PHLPP2: variants seen among roughly 807,000 people sequenced by gnomAD.
PHLPP2 encodes PH domain leucine-rich repeat-containing protein phosphatase 2.
Under a neutral mutation model 124.9 loss-of-function variants are expected in PHLPP2, and 66 were observed. The ratio of observed to expected loss-of-function variants is 0.53; its 90% CI spans 0.43 to 0.65. The LOEUF (loss-of-function observed/expected upper bound fraction) is 0.65, where lower values mean the gene tolerates loss of function less well. Ranked by LOEUF, PHLPP2 falls within the 30% of genes least tolerant of loss-of-function variation. The probability of loss-of-function intolerance (pLI) is 0.00; values close to 1 mark genes in which losing one functional copy is unlikely to be tolerated. For synonymous variants in PHLPP2, 681 were observed against 624.7 expected, an observed-to-expected ratio of 1.09 and a Z score of -1.34; for missense variants, 1,685 against 1,600.4, an observed-to-expected ratio of 1.05 and a Z score of -0.90.
chr16:71,688,905 T>C (rs943810951), intron 4 of PHLPP2, among the ~76,000 whole-genome samples: 1 of 152,188 alleles, frequency 6.6e-6, no homozygotes, highest in Non-Finnish European at 1.5e-5. Context: ...TCAAAGGCCA[T>C]GTAACTGGAT....
At chr16:71,699,103 A>G (rs1290903345) in intron 3 of PHLPP2, among the ~76,000 whole-genome samples, 1 of 152,214 alleles carries the variant, frequency 6.6e-6, no homozygotes, top group Admixed American at 6.5e-5. Context: ...GTCTGGTTTC[A>G]GGAACTGGGT....
chr16:71,714,453 C>CAA, intron 2 of PHLPP2, 59 bp downstream of exon 2: 4 of 1,492,698 alleles, frequency 2.7e-6, no homozygotes, highest in Non-Finnish European at 3.6e-6. Context: ...CAGTTCTAAG[C>CAA]AGAAACACAT....
intron 8 of PHLPP2, chr16:71,677,069 TAAG>T (rs1297090115): frequency 1.2e-4 from 23 of 198,458 alleles, no homozygotes; most frequent in Non-Finnish European, 2.0e-4. Flanking sequence ...CTAAACAACT[TAAG>T]AATTTCACTA....
chr16:71,658,497 G>A (rs1056211087), intron 14 of PHLPP2, 134 bp from the exon 15 acceptor site: 2 of 1,174,716 alleles, frequency 1.7e-6, no homozygotes, highest in Middle Eastern at 2.0e-4. Flanking sequence ...ATAAATTCTG[G>A]TCCCAAACTG....
intron 16 of PHLPP2, 46 bp downstream of exon 16, chr16:71,656,525 G>C: frequency 9.0e-7 from 1 of 1,116,176 alleles, no homozygotes; most frequent in Non-Finnish European, 1.4e-6. Flanking sequence ...TCAGATGCCA[G>C]GGGCTGCCTT....
intron 13 of PHLPP2, among the ~76,000 whole-genome samples, chr16:71,661,801 C>T (rs1377324019): frequency 4.6e-5 from 7 of 151,936 alleles, no homozygotes; most frequent in South Asian, 2.1e-4. Context: ...ACAGCGAGAT[C>T]CCACCTACAC....
chr16:71,648,565 T>A lies in PHLPP2; in HGVS notation c.*325A>T. Reference sequence around the variant, plus strand: ...AGGGTGGATCACCTGAGGTCAAGAGTTCAACACCAGCCTGGCCAACATGGT... The same window carrying A: ...AGGGTGGATCACCTGAGGTCAAGAGATCAACACCAGCCTGGCCAACATGGT... On this transcript the variant is annotated 3_prime_UTR_variant, in exon 19 of 19. Coordinates refer to ENST00000568954, the MANE Select transcript of PHLPP2 (RefSeq NM_015020.3). 1.1e-5 allele frequency: 3 copies of A among 274,440 alleles called. No homozygotes were observed. The highest frequency in any genetic ancestry group is 4.4e-5 in the African/African-American group (2 of 45,254). 17.0% of individuals were successfully genotyped at this position (274,440 alleles called of 1,614,324 possible).
intron 3 of PHLPP2, chr16:71,698,568 C>A: frequency 1.6e-6 from 1 of 644,458 alleles, no homozygotes; most frequent in Non-Finnish European, 2.9e-6. Context: ...ATCTGAAAGG[C>A]CTGTCTCTAA....
intron 6 of PHLPP2, 152 bp downstream of exon 6, chr16:71,681,599 T>A: frequency 1.9e-6 from 1 of 529,530 alleles, no homozygotes; most frequent in Non-Finnish European, 3.3e-6. Context: ...AAAGGGCAGG[T>A]AGGAGAACTC....
chr16:71,663,183 C>A (rs1466799149), intron 13 of PHLPP2, among the ~76,000 whole-genome samples: 1 of 152,206 alleles, frequency 6.6e-6, no homozygotes, highest in East Asian at 1.9e-4. Flanking sequence ...GCAATCTTGG[C>A]TCACTGCAAC....
intron 7 of PHLPP2, 89 bp from the exon 8 acceptor site, chr16:71,679,074 T>C: frequency 2.7e-6 from 2 of 735,758 alleles, no homozygotes; most frequent in Non-Finnish European, 4.6e-6. Flanking sequence ...TTTATGTCAC[T>C]AATTTATTAT....
rs73580216 is a variant in PHLPP2 at position 71,706,385 on chromosome 16, A to C, written c.285-3654T>G. The stretch of plus-strand genomic sequence containing the variant: ...AGTTAAGATATATGTAAGAAGAGTA[A>C]ATTTCATTCCAAGTATCATTTCACA... On this transcript the variant is annotated intron_variant, in intron 2 of 18. Transcript: ENST00000568954. 7.1e-3 allele frequency among the ~76,000 whole-genome samples: 1,088 copies of C among 152,314 alleles called. 18 individuals are homozygous for C. The highest frequency in any genetic ancestry group is 0.025 in the African/African-American group (1,026 of 41,562).
chr16:71,704,307 C>CAAAAACAAAAAAAAAAAAA (rs1555548332), intron 2 of PHLPP2, among the ~76,000 whole-genome samples: 1 of 98,750 alleles, frequency 1.0e-5, no homozygotes, highest in African/African-American at 4.1e-5. Flanking sequence ...GACTCTGTCT[C>CAAAAACAAAAAAAAAAAAA]AAAAAAAAAA....
intron 17 of PHLPP2, among the ~76,000 whole-genome samples, chr16:71,654,544 T>A (rs917496523): frequency 1.3e-5 from 2 of 152,214 alleles, no homozygotes; most frequent in African/African-American, 2.4e-5. Context: ...AGCCAGCCAC[T>A]TGATCACAAG....
rs752054132 is a variant in PHLPP2 at position 71,655,357 on chromosome 16, C to T, written c.2468G>A (p.Arg823Gln). ...CAGCAGGCGCGGGAGCTCCTCATTT[C>T]GGTCTCCATCAAACATGCCATACAC... The part of the protein sequence containing the change: ...GAVYGMFDGD[R>Q]NEELPRLLQC... The change falls in exon 17 of 19, where the codon CGA becomes CAA. Residue 823 changes from arginine (R) to glutamine (Q), a missense_variant. Arg to Gln is a conservative substitution (Grantham distance 43). Transcript: ENST00000568954. 9 of 1,613,892 alleles carry T rather than the reference C, an allele frequency of 5.6e-6. No homozygotes were observed. The highest frequency in any genetic ancestry group is 5.0e-5 in the Admixed American group (3 of 60,006).
rs1460200690 is a variant in PHLPP2, at chr16:71,659,250, T to A, written c.1986-435A>T. On this transcript the variant is annotated intron_variant, in intron 13 of 18. Coordinates refer to ENST00000568954, the MANE Select transcript of PHLPP2 (RefSeq NM_015020.3). ...GTTGTACTAAATCATCACAAAGATT[T>A]TTTTTTTTTTTTTTTTTTGAGATGG... 6.3e-5 allele frequency among the ~76,000 whole-genome samples: 9 copies of A among 143,670 alleles called. No individual in the cohort carries two copies. In the South Asian group the frequency reaches 6.6e-4, roughly 11 times the overall value. 94.3% of individuals were successfully genotyped at this position (143,670 alleles called of 152,430 possible). A position where few individuals can be genotyped will look rare whatever the true frequency, so the allele number is the denominator to read the frequency against.
chr16:71,678,734 T>G (rs2044969859), intron 8 of PHLPP2, 21 bp downstream of exon 8: 2 of 1,179,690 alleles, frequency 1.7e-6, no homozygotes, highest in Admixed American at 3.4e-5. Context: ...TAAAGGAAGG[T>G]GTGGTAAAGA....
At chr16:71,709,559 G>T (rs901397707) in intron 2 of PHLPP2, among the ~76,000 whole-genome samples, 3 of 152,222 alleles carry the variant, frequency 2.0e-5, no homozygotes, top group African/African-American at 7.2e-5. Flanking sequence ...TTTTCAGACA[G>T]GAGGCAATGA....
chr16:71,704,204 G>A (rs561609642), intron 2 of PHLPP2, among the ~76,000 whole-genome samples: 4 of 151,582 alleles, frequency 2.6e-5, no homozygotes, highest in Non-Finnish European at 4.4e-5. Context: ...CCAGCTACTC[G>A]GGAGGCTGAG....
Sources: allele counts gnomAD v4.1 joint callset (sites outside exome capture counted in the v4.1 genomes callset), GRCh38; gene constraint gnomAD v4.1.1; transcripts MANE v1.5; gene names NCBI Gene and HGNC (gene_info 2026-07-23, HGNC 2026-07-21).